EXOC6B: variants seen among roughly 807,000 people sequenced by gnomAD.
The protein encoded by EXOC6B is SEC15 homolog B.
EXOC6B carries 54 observed loss-of-function variants against 113.5 expected under a neutral mutation model. That is an observed-to-expected ratio of 0.48 (90% CI 0.38 to 0.60). EXOC6B has a LOEUF of 0.60. Among genes scored for constraint, EXOC6B ranks in the 20% least tolerant of loss-of-function variants. The pLI is 0.00. For missense variants in EXOC6B, 797 were observed against 977.5 expected, an observed-to-expected ratio of 0.82 and a Z score of 2.46; for synonymous variants, 357 against 339.0, an observed-to-expected ratio of 1.05 and a Z score of -0.58.
intron 18 of EXOC6B, among the ~76,000 whole-genome samples, chr2:72,404,821 G>A (rs764981007): frequency 4.6e-5 from 7 of 152,140 alleles, no homozygotes; most frequent in East Asian, 1.9e-4. Context: ...CCAAAGCAAC[G>A]CAGCTCCTCA....
rs192334314 is a variant in EXOC6B, at chr2:72,251,811, C to T, written c.2197-67624G>A. Among the ~76,000 whole-genome samples, 62 of 152,202 alleles carry T rather than the reference C, an allele frequency of 4.1e-4. No homozygotes were observed. In the East Asian group the frequency reaches 0.011, roughly 27 times the overall value. On this transcript the variant is annotated intron_variant, in intron 20 of 21. Coordinates refer to ENST00000272427, the MANE Select transcript of EXOC6B (RefSeq NM_015189.3). ...ACTATAACTGAAATAAAATTTAAGC[C>T]TTTTCATTTAATGTTTAGCATGTGT... is the stretch of plus-strand genomic sequence containing the variant.
At chr2:72,264,098 G>A (rs1231038027) in intron 20 of EXOC6B, among the ~76,000 whole-genome samples, 1 of 152,192 alleles carries the variant, frequency 6.6e-6, no homozygotes, top group Non-Finnish European at 1.5e-5. Flanking sequence ...CCAATACAGA[G>A]CAGATGTCAT....
intron 8 of EXOC6B, among the ~76,000 whole-genome samples, chr2:72,517,307 A>C (rs1308495809): frequency 1.3e-5 from 2 of 152,184 alleles, no homozygotes; most frequent in Admixed American, 6.5e-5. Context: ...AAAATGTAAA[A>C]AACATTTTTA....
chr2:72,527,046 C>T (rs1251862244), intron 8 of EXOC6B, among the ~76,000 whole-genome samples: 1 of 151,932 alleles, frequency 6.6e-6, no homozygotes, highest in East Asian at 1.9e-4. Flanking sequence ...CTTTTTATAG[C>T]CATATCGACT....
chr2:72,805,237 G>T (rs1181023697), intron 1 of EXOC6B, among the ~76,000 whole-genome samples: 1 of 152,116 alleles, frequency 6.6e-6, no homozygotes, highest in Non-Finnish European at 1.5e-5. Flanking sequence ...GATGACACCT[G>T]TGATTTCTTT....
At chr2:72,646,263 T>C (rs1303864115) in intron 6 of EXOC6B, among the ~76,000 whole-genome samples, 4 of 151,956 alleles carry the variant, frequency 2.6e-5, no homozygotes, top group Non-Finnish European at 5.9e-5. Context: ...AATCTCTGAA[T>C]AGACCAATAA....
chr2:72,474,049 G>GT (rs537765320), intron 17 of EXOC6B, among the ~76,000 whole-genome samples: 2,989 of 144,774 alleles, frequency 0.021, 37 homozygotes, highest in Non-Finnish European at 0.026. Context: ...TGCCCAACAT[G>GT]TTTTTTTTTT....
chr2:72,376,742 T>A (rs1691382952), intron 19 of EXOC6B, among the ~76,000 whole-genome samples: 1 of 152,188 alleles, frequency 6.6e-6, no homozygotes, highest in South Asian at 2.1e-4. Context: ...CTATTTCTAT[T>A]GTCTATCTTT....
At chr2:72,755,740 G>A (rs747745027) in intron 1 of EXOC6B, among the ~76,000 whole-genome samples, 28 of 152,144 alleles carry the variant, frequency 1.8e-4, no homozygotes, top group Non-Finnish European at 3.5e-4. Flanking sequence ...ACCTCCTCTG[G>A]AAGCTAGGAG....
At chr2:72,428,213 G>C (rs1443184355) in intron 18 of EXOC6B, among the ~76,000 whole-genome samples, 1 of 152,202 alleles carries the variant, frequency 6.6e-6, no homozygotes, top group African/African-American at 2.4e-5. Context: ...TAAAAGAGCT[G>C]TAACACAAAC....
chr2:72,457,609 G>A (rs140828456), intron 18 of EXOC6B, among the ~76,000 whole-genome samples: 61 of 152,148 alleles, frequency 4.0e-4, no homozygotes, highest in African/African-American at 1.2e-3. Flanking sequence ...TAATTATCAG[G>A]ATAACAAGAA....
intron 18 of EXOC6B, among the ~76,000 whole-genome samples, chr2:72,381,709 A>T (rs1691685757): frequency 6.6e-6 from 1 of 152,006 alleles, no homozygotes; most frequent in African/African-American, 2.4e-5. Flanking sequence ...TGAAAACTAG[A>T]CTCCCAAATA....
intron 18 of EXOC6B, among the ~76,000 whole-genome samples, chr2:72,458,734 A>G (rs1697414460): frequency 6.6e-6 from 1 of 151,968 alleles, no homozygotes; most frequent in African/African-American, 2.4e-5. Context: ...AAAGTTCACA[A>G]CTCTACAGGT....
At chr2:72,223,736 C>G (rs1409764627) in intron 20 of EXOC6B, among the ~76,000 whole-genome samples, 2 of 151,586 alleles carry the variant, frequency 1.3e-5, no homozygotes, top group East Asian at 3.9e-4. Flanking sequence ...AGTCCTGTAA[C>G]ACTTCAGGAG....
chr2:72,554,827 A>G (rs777764975), intron 8 of EXOC6B, among the ~76,000 whole-genome samples: 30 of 152,072 alleles, frequency 2.0e-4, no homozygotes, highest in Non-Finnish European at 4.0e-4. Flanking sequence ...ACATAGCTAT[A>G]CACGTGCCAT....
chr2:72,389,898 TCTTC>T (rs1692264862), intron 18 of EXOC6B, among the ~76,000 whole-genome samples: 1 of 152,156 alleles, frequency 6.6e-6, no homozygotes, highest in East Asian at 1.9e-4. Context: ...CTTTACCTAT[TCTTC>T]CTTCCTTTCC....
rs565190629 is a variant in EXOC6B, at chr2:72,817,045, CA to C, written c.113+8752del. 5.4e-4 allele frequency among the ~76,000 whole-genome samples: 82 copies of C among 152,236 alleles called. No homozygotes were observed. The East Asian group carries it at 0.016, about 29-fold the overall frequency. On this transcript the variant is annotated intron_variant, in intron 1 of 21. Coordinates refer to ENST00000272427, the MANE Select transcript of EXOC6B (RefSeq NM_015189.3). Reference sequence around the variant, plus strand: ...AAACAAGTTTCTCTTTATCAAACCACAAAAAAATTTATTCTCCTATTCCATA... The same window carrying C: ...AAACAAGTTTCTCTTTATCAAACCACAAAAAATTTATTCTCCTATTCCATA...
At chr2:72,395,811 T>C (rs1269001706) in intron 18 of EXOC6B, among the ~76,000 whole-genome samples, 1 of 152,092 alleles carries the variant, frequency 6.6e-6, no homozygotes, top group Non-Finnish European at 1.5e-5. Flanking sequence ...ACCAACCTAA[T>C]AGAGACTGTT....
At chr2:72,651,404 T>C (rs374508033) in intron 6 of EXOC6B, among the ~76,000 whole-genome samples, 12 of 152,148 alleles carry the variant, frequency 7.9e-5, no homozygotes, top group East Asian at 5.8e-4. Context: ...CAGAACTGAA[T>C]TGATATTAAT....
Sources: gnomAD v4.1 joint callset for allele counts (sites outside exome capture counted in the v4.1 genomes callset) on GRCh38, gnomAD v4.1.1 for gene constraint, MANE v1.5 for transcripts, NCBI Gene and HGNC (gene_info 2026-07-23, HGNC 2026-07-21) for gene names.